The following RPS6KA3 variants were observed in gnomAD, a reference collection of about 807,000 sequenced individuals.
RPS6KA3 encodes ribosomal protein S6 kinase alpha-3.
In RPS6KA3, 4 loss-of-function variants were observed where a neutral mutation model predicts 67.2. The observed-to-expected ratio is 0.06, with a 90% CI of 0.03 to 0.14. The LOEUF is 0.14. Among genes scored for constraint, RPS6KA3 ranks in the 10% least tolerant of loss-of-function variants. The pLI is 1.00. For missense variants in RPS6KA3, 204 were observed against 559.0 expected (o/e 0.36, Z 6.40); for synonymous variants, 182 against 183.7 (o/e 0.99, Z 0.07).
chrX:20,169,432 T>C lies in RPS6KA3; in HGVS notation c.1413A>G (p.Gly471=), dbSNP rs1029277503. The C allele has an allele frequency of 5.0e-6, 6 of 1,189,206 alleles. No individual in the cohort carries two copies. The highest frequency in any genetic ancestry group is 4.4e-5 in the Admixed American group (2 of 45,870). Residue 471 remains glycine, a synonymous_variant, in exon 16 of 22, where the codon GGA becomes GGG. Transcript: ENST00000379565. ...TEEIEILLRY[G]QHPNIITLKD... ...TTAGAGTGATAATGTTTGGATGCTG[T>C]CCATAACGAAGAAGAATTTCAATTT... is the stretch of plus-strand genomic sequence containing the variant.
chrX:20,184,342 T>G (rs1466070698), intron 10 of RPS6KA3, among the ~76,000 whole-genome samples: 1 of 111,206 alleles, frequency 9.0e-6, no homozygotes, highest in Non-Finnish European at 1.9e-5. Context: ...TTTTTACTTT[T>G]TTAAATGTAG....
At chrX:20,251,786 A>G (rs2069878045) in intron 1 of RPS6KA3, among the ~76,000 whole-genome samples, 1 of 112,308 alleles carries the variant, frequency 8.9e-6, no homozygotes, top group Non-Finnish European at 1.9e-5. Flanking sequence ...CATTTTCAAA[A>G]GTTTGATTTT....
chrX:20,217,985 A>G (rs1197511949), intron 2 of RPS6KA3, among the ~76,000 whole-genome samples: 1 of 111,958 alleles, frequency 8.9e-6, no homozygotes, highest in East Asian at 2.8e-4. Context: ...TCTTTAAGAG[A>G]GCTTTAAGCT....
intron 1 of RPS6KA3, among the ~76,000 whole-genome samples, chrX:20,243,786 G>A (rs1195051994): frequency 1.8e-5 from 2 of 110,238 alleles, no homozygotes; most frequent in East Asian, 2.8e-4. Flanking sequence ...GAGCCACCAC[G>A]GCTGGCCCTA....
chrX:20,206,265 G>A (rs1603427876), intron 3 of RPS6KA3, among the ~76,000 whole-genome samples: 1 of 112,100 alleles, frequency 8.9e-6, no homozygotes, highest in Non-Finnish European at 1.9e-5. Flanking sequence ...TAAGAAAGGA[G>A]ACAACCTATT....
rs776255141 is a variant in RPS6KA3 at position 20,245,913 on chromosome X, T to A, written c.70-11099A>T. On this transcript the variant is annotated intron_variant, in intron 1 of 21. Coordinates refer to ENST00000379565, the MANE Select transcript of RPS6KA3 (RefSeq NM_004586.3). The stretch of plus-strand genomic sequence containing the variant: ...GGCAGGAGGATCATGAGGTCAGGAG[T>A]TCGAGACCAGCCTGGCCAACATGGT... 3.1e-4 allele frequency among the ~76,000 whole-genome samples: 34 copies of A among 109,277 alleles called. 1 individual carries two copies. The highest frequency in any genetic ancestry group is 1.1e-3 in the African/African-American group (32 of 29,917). 94.9% of individuals were successfully genotyped at this position (109,277 alleles called of 115,157 possible). A position where few individuals can be genotyped will look rare whatever the true frequency, so the allele number is the denominator to read the frequency against.
At chrX:20,155,562 A>G in intron 21 of RPS6KA3, 42 bp from the exon 22 acceptor site, 1 of 1,181,468 alleles carries the variant, frequency 8.5e-7, no homozygotes, top group Non-Finnish European at 1.2e-6. Context: ...GTGACAATGG[A>G]TAGTCACACG....
chrX:20,247,932 C>CT (rs1396874598), intron 1 of RPS6KA3, among the ~76,000 whole-genome samples: 2 of 111,362 alleles, frequency 1.8e-5, no homozygotes, highest in South Asian at 3.6e-4. Context: ...AGAACCATAG[C>CT]TTTTTTTCTC....
intron 4 of RPS6KA3, among the ~76,000 whole-genome samples, chrX:20,196,582 A>C (rs1214928616): frequency 8.9e-6 from 1 of 111,800 alleles, no homozygotes; most frequent in Non-Finnish European, 1.9e-5. Flanking sequence ...AAATATAGAA[A>C]TAAGACCTCT....
intron 1 of RPS6KA3, among the ~76,000 whole-genome samples, chrX:20,255,712 C>T (rs760731200): frequency 1.1e-3 from 79 of 69,240 alleles, no homozygotes; most frequent in Non-Finnish European, 2.0e-3. Context: ...CACTTGAACC[C>T]GGGAGGCAGA....
At chrX:20,221,713 CATT>C (rs2068991223) in intron 2 of RPS6KA3, among the ~76,000 whole-genome samples, 1 of 112,366 alleles carries the variant, frequency 8.9e-6, no homozygotes, top group African/African-American at 3.2e-5. Flanking sequence ...ATCTTCAATG[CATT>C]ATTAAGAACT....
chrX:20,215,069 G>C (rs920821117), intron 2 of RPS6KA3, among the ~76,000 whole-genome samples: 3 of 110,898 alleles, frequency 2.7e-5, no homozygotes, highest in African/African-American at 9.9e-5. Context: ...GCCTCCCAAA[G>C]TGCTGGGATT....
intron 1 of RPS6KA3, among the ~76,000 whole-genome samples, chrX:20,262,997 T>C (rs1323011492): frequency 9.0e-6 from 1 of 111,547 alleles, no homozygotes; most frequent in Non-Finnish European, 1.9e-5. Context: ...AATACTTATA[T>C]AGTTGATTTT....
upstream of RPS6KA3, chrX:20,267,038 C>T: frequency 1.3e-6 from 1 of 754,891 alleles, no homozygotes; most frequent in Non-Finnish European, 1.6e-6. Context: ...CTAAGCGATA[C>T]CTGTCTCTCA....
intron 4 of RPS6KA3, among the ~76,000 whole-genome samples, chrX:20,201,984 T>C (rs748014305): frequency 3.0e-5 from 3 of 101,627 alleles, no homozygotes; most frequent in Non-Finnish European, 4.0e-5. Flanking sequence ...TTCTTTTTTT[T>C]TTTTTTTTTT....
At chrX:20,209,050 C>T (rs1569236472) in intron 3 of RPS6KA3, among the ~76,000 whole-genome samples, 1 of 111,524 alleles carries the variant, frequency 9.0e-6, no homozygotes, top group Non-Finnish European at 1.9e-5. Context: ...CTGGAGAGGT[C>T]ATGTGCTCTT....
intron 10 of RPS6KA3, among the ~76,000 whole-genome samples, chrX:20,182,476 A>G (rs1232408252): frequency 3.6e-5 from 4 of 111,925 alleles, no homozygotes; most frequent in East Asian, 2.8e-4. Flanking sequence ...ATATTTTTAC[A>G]GGGTTGGAAA....
intron 20 of RPS6KA3, 141 bp from the exon 21 acceptor site, chrX:20,156,390 G>C: frequency 1.6e-6 from 1 of 642,609 alleles, no homozygotes; most frequent in Non-Finnish European, 2.5e-6. Context: ...ATGGTAATTT[G>C]GGGGAAAAAA....
chrX:20,188,937 G>T (rs906981942), intron 7 of RPS6KA3, among the ~76,000 whole-genome samples: 6 of 111,981 alleles, frequency 5.4e-5, no homozygotes, highest in Admixed American at 4.7e-4. Flanking sequence ...ATTTTATTTT[G>T]CCTTTTTTTC....
Sources: allele counts gnomAD v4.1 joint callset (sites outside exome capture counted in the v4.1 genomes callset), GRCh38; gene constraint gnomAD v4.1.1; transcripts MANE v1.5; gene names NCBI Gene and HGNC (gene_info 2026-07-23, HGNC 2026-07-21).